GALNS: variants seen among roughly 807,000 people sequenced by gnomAD.
The protein encoded by GALNS is galactosamine (N-acetyl)-6-sulfatase, also known as N-acetylgalactosamine-6-sulfatase.
GALNS carries 65 observed loss-of-function variants against 65.9 expected under a neutral mutation model. That is an observed-to-expected ratio of 0.99 (90% confidence interval 0.81 to 1.21). GALNS has a LOEUF of 1.21. Ranked by LOEUF, GALNS falls within the 50% of genes most tolerant of loss-of-function variation. The probability of loss-of-function intolerance (pLI) is 0.00; values close to 1 mark genes in which losing one functional copy is unlikely to be tolerated. For missense variants in GALNS, 776 were observed against 700.7 expected (o/e 1.11, Z -1.21); for synonymous variants, 346 against 288.9 (o/e 1.20, Z -2.00).
intron 1 of GALNS, among the ~76,000 whole-genome samples, chr16:88,849,688 T>C (rs1381234051): frequency 6.6e-6 from 1 of 152,098 alleles, no homozygotes; most frequent in Non-Finnish European, 1.5e-5. Context: ...CCTCCCAAAG[T>C]GCTGAGATCC....
chr16:88,817,385 AG>A, intron 13 of GALNS: 1 of 985,360 alleles, frequency 1.0e-6, no homozygotes, highest in South Asian at 4.7e-5. Flanking sequence ...TGGTCTTGTC[AG>A]GCTGCACGGA....
intron 4 of GALNS, chr16:88,838,762 G>C (rs930819483): frequency 1.3e-5 from 2 of 152,322 alleles, no homozygotes; most frequent in East Asian, 3.9e-4. Context: ...ACGGCCGTGG[G>C]CGGGTCTCAC....
chr16:88,831,948 G>T, intron 9 of GALNS, 50 bp downstream of exon 9: 1 of 1,523,286 alleles, frequency 6.6e-7, no homozygotes, highest in Non-Finnish European at 9.1e-7. Context: ...ACCCTGGGAT[G>T]GCTGCAGGCC....
Position 88,825,202 on chromosome 16 carries a change from CCTGGGTGT to C in GALNS, c.1140-341_1140-334del, listed in dbSNP as rs1329104435. 2.0e-4 allele frequency among the ~76,000 whole-genome samples: 18 copies of C among 89,786 alleles called. No individual in the cohort carries two copies. In the South Asian group the frequency reaches 2.2e-3, roughly 11 times the overall value. The allele number at this position is 89,786 out of a possible 152,430, so 58.9% of individuals were successfully genotyped here. ...CTGGGGTGACTGGGTGTCTAGGGTG[CCTGGGTGT>C]CTGGGGCGCCTGGGTGTCTGGGGCT... On this transcript the variant is annotated intron_variant, in intron 10 of 13. Transcript: ENST00000268695.
chr16:88,842,341 C>T, intron 2 of GALNS: 1 of 507,784 alleles, frequency 2.0e-6, no homozygotes, highest in Non-Finnish European at 3.6e-6. Flanking sequence ...TTTCTGTCTC[C>T]AGCAGGAGAG....
chr16:88,832,171 T>G, intron 8 of GALNS, 70 bp from the exon 9 acceptor site: 1 of 1,305,858 alleles, frequency 7.7e-7, no homozygotes, highest in Non-Finnish European at 1.1e-6. Flanking sequence ...CCCTCCCCAC[T>G]GAGTCACTGA....
chr16:88,834,291 C>CG (rs905150788), intron 8 of GALNS, among the ~76,000 whole-genome samples: 7 of 152,056 alleles, frequency 4.6e-5, no homozygotes, highest in Non-Finnish European at 8.8e-5. Context: ...TAGGCGCCCC[C>CG]CGACATGGTC....
intron 12 of GALNS, among the ~76,000 whole-genome samples, chr16:88,821,214 A>C (rs1597531524): frequency 6.6e-6 from 1 of 151,994 alleles, no homozygotes; most frequent in Non-Finnish European, 1.5e-5. Flanking sequence ...AGGGCTGTGC[A>C]CCCCTGGAGG....
chr16:88,816,508 C>CGGGGGGGGGGGGGGGGGG, intron 13 of GALNS: 1 of 983,272 alleles, frequency 1.0e-6, no homozygotes, highest in Non-Finnish European at 1.2e-6. Flanking sequence ...TGAAACTTGC[C>CGGGGGGGGGGGGGGGGGG]AGGCACCCCC....
Position 88,850,220 on chromosome 16 carries a change from G to A in GALNS, c.120+6538C>T, listed in dbSNP as rs572215984. ...CGTTACACTGTCTGCCCATGCCCAG[G>A]ACCACTGCTGGGCTCCCTTCGGGCT... On this transcript the variant is annotated intron_variant, in intron 1 of 13. Coordinates refer to ENST00000268695, the MANE Select transcript of GALNS (RefSeq NM_000512.5). Among the ~76,000 whole-genome samples the A allele has an allele frequency of 5.9e-5, 9 of 152,280 alleles. No individual in the cohort carries two copies. In the East Asian group the frequency reaches 1.7e-3, roughly 30 times the overall value.
chr16:88,832,279 G>A (rs551477629), intron 8 of GALNS, among the ~76,000 whole-genome samples, 178 bp from the exon 9 acceptor site: 15 of 152,260 alleles, frequency 9.9e-5, no homozygotes, highest in African/African-American at 2.9e-4. Context: ...CTGAGATGCC[G>A]CGGCTGCAAA....
At chr16:88,843,890 C>CA (rs1261359574) in intron 1 of GALNS, 1 of 152,432 alleles carries the variant, frequency 6.6e-6, no homozygotes, top group Non-Finnish European at 1.5e-5. Flanking sequence ...GGGAAGGAAG[C>CA]AGACACAAGG....
At chr16:88,853,113 C>T (rs538496694) in intron 1 of GALNS, among the ~76,000 whole-genome samples, 101 of 148,912 alleles carry the variant, frequency 6.8e-4, no homozygotes, top group Admixed American at 4.6e-3. Context: ...TAGCTGGGCA[C>T]GGTGGTGGGA....
intron 13 of GALNS, chr16:88,815,735 A>G: frequency 1.0e-6 from 1 of 985,460 alleles, no homozygotes; most frequent in Non-Finnish European, 1.2e-6. Flanking sequence ...CCTAGGCGGC[A>G]GCAGGGATGC....
chr16:88,820,377 C>T (rs939591310), intron 12 of GALNS, among the ~76,000 whole-genome samples: 4 of 152,228 alleles, frequency 2.6e-5, no homozygotes, highest in African/African-American at 9.6e-5. Context: ...GATCCACTCA[C>T]CTCAGCCTCC....
At chr16:88,847,657 A>G (rs1967310882) in intron 1 of GALNS, among the ~76,000 whole-genome samples, 1 of 152,236 alleles carries the variant, frequency 6.6e-6, no homozygotes, top group Admixed American at 6.5e-5. Flanking sequence ...GTTCACCACG[A>G]CAGGGACTAG....
intron 12 of GALNS, among the ~76,000 whole-genome samples, chr16:88,818,386 G>C (rs913360312): frequency 6.6e-5 from 10 of 152,252 alleles, no homozygotes; most frequent in African/African-American, 2.4e-4. Context: ...GAGAGGCTGT[G>C]AGTAGAGCCG....
intron 13 of GALNS, chr16:88,815,918 G>A (rs1178245353): frequency 1.0e-6 from 1 of 985,326 alleles, no homozygotes; most frequent in African/African-American, 1.7e-5. Flanking sequence ...GGTCCAGGTG[G>A]CCACACTCCC....
At position 88,842,899 on chromosome 16, in the gene GALNS, A is replaced by G. The variant is rs915643755; in HGVS notation, c.121-70T>C. On this transcript the variant is annotated intron_variant, in intron 1 of 13. Transcript: ENST00000268695. The stretch of plus-strand genomic sequence containing the variant: ...GTGCTTCTGGCCTGGGGAGCTGCCC[A>G]TGGTGCCAAGAGCGTGTCGGGGACC... 1.5e-5 allele frequency: 24 copies of G among 1,593,004 alleles called. No individual in the cohort carries two copies. The African/African-American group carries it at 2.9e-4, about 20-fold the overall frequency.
Sources: gnomAD v4.1 joint callset for allele counts (sites outside exome capture counted in the v4.1 genomes callset) on GRCh38, gnomAD v4.1.1 for gene constraint, MANE v1.5 for transcripts, NCBI Gene and HGNC (gene_info 2026-07-23, HGNC 2026-07-21) for gene names.